The following IRGM variants were observed in gnomAD, a reference collection of about 807,000 sequenced individuals.
IRGM encodes immunity related GTPase M.
For missense variants in IRGM, 288 were observed against 219.9 expected (o/e 1.31, Z -1.96); for synonymous variants, 98 against 80.6 (o/e 1.22, Z -1.16).
At chr5:150,850,292 A>G (rs1753955833), downstream of IRGM, among the ~76,000 whole-genome samples, 1 of 152,270 alleles carries the variant, frequency 6.6e-6, no homozygotes, top group Non-Finnish European at 1.5e-5. Context: ...ATAATTATGC[A>G]CTATTATGTA....
chr5:150,894,183 T>G (rs943255191), intron 3 of IRGM, among the ~76,000 whole-genome samples: 3 of 152,102 alleles, frequency 2.0e-5, no homozygotes, highest in African/African-American at 7.2e-5. Context: ...TATGCTCTCC[T>G]GCAGGTCACT....
At chr5:150,895,765 G>T in intron 3 of IRGM, 1 of 1,613,538 alleles carries the variant, frequency 6.2e-7, no homozygotes, top group Non-Finnish European at 8.5e-7. Flanking sequence ...CATTTATAGG[G>T]TTTTTCTCCA....
intron 1 of IRGM, among the ~76,000 whole-genome samples, chr5:150,867,354 T>C (rs955394618): frequency 1.3e-5 from 2 of 152,182 alleles, no homozygotes; most frequent in Non-Finnish European, 2.9e-5. Flanking sequence ...TAGTATTCCA[T>C]GGTATATATA....
chr5:150,872,316 C>A (rs558362051), intron 1 of IRGM, among the ~76,000 whole-genome samples: 1 of 152,192 alleles, frequency 6.6e-6, no homozygotes, highest in Non-Finnish European at 1.5e-5. Flanking sequence ...CCCTGACCCA[C>A]GCTGCCATCA....
intron 3 of IRGM, among the ~76,000 whole-genome samples, chr5:150,880,194 T>C (rs1035178068): frequency 6.6e-6 from 1 of 152,228 alleles, no homozygotes; most frequent in Non-Finnish European, 1.5e-5. Context: ...TTGTGGGAGA[T>C]ATGAACAGCT....
chr5:150,896,543 C>G (rs1263725847), intron 3 of IRGM: 1 of 1,613,692 alleles, frequency 6.2e-7, no homozygotes, highest in South Asian at 1.1e-5. Context: ...TGTGAATCTT[C>G]TCAAGATTAG....
intron 1 of IRGM, among the ~76,000 whole-genome samples, chr5:150,870,946 G>A (rs918980592): frequency 2.0e-5 from 3 of 151,688 alleles, no homozygotes; most frequent in African/African-American, 4.8e-5. Flanking sequence ...CAAATTATGA[G>A]GAATGAGGTC....
rs1230041672 is a variant in IRGM, at chr5:150,847,960, C to A, written c.-164C>A. ...CTGGGACTACAGGCGCACACCACCACGCGCAGCTAATTTTTTTGTATTTTA... is the reference window on the plus strand; with the variant it reads ...CTGGGACTACAGGCGCACACCACCAAGCGCAGCTAATTTTTTTGTATTTTA... On this transcript the variant is annotated 5_prime_UTR_variant, in exon 2 of 2. Transcript: ENST00000522154. 8.3e-6 allele frequency: 5 copies of A among 602,276 alleles called. No homozygotes were observed. Among genetic ancestry groups the A allele is most frequent in the African/African-American group, 1.9e-5 (1 of 53,894 alleles). 37.3% of individuals were successfully genotyped at this position (602,276 alleles called of 1,614,324 possible). A position where few individuals can be genotyped will look rare whatever the true frequency, so the allele number is the denominator to read the frequency against.
intron 1 of IRGM, among the ~76,000 whole-genome samples, chr5:150,867,184 A>G (rs1235405088): frequency 6.6e-6 from 1 of 152,154 alleles, no homozygotes. Flanking sequence ...CCATTTTATC[A>G]TCTTTATGCC....
intron 1 of IRGM, among the ~76,000 whole-genome samples, chr5:150,872,976 G>A (rs552045934): frequency 6.6e-6 from 1 of 152,182 alleles, no homozygotes; most frequent in Non-Finnish European, 1.5e-5. Flanking sequence ...TTCTCTGTAT[G>A]CCAGATCTAA....
downstream of IRGM, among the ~76,000 whole-genome samples, chr5:150,851,027 T>G (rs1753967397): frequency 6.6e-6 from 1 of 152,204 alleles, no homozygotes; most frequent in Non-Finnish European, 1.5e-5. Context: ...TAGTTTTGGT[T>G]TCAGTGAAGC....
At chr5:150,896,773 C>T in intron 3 of IRGM, 3 of 1,613,802 alleles carry the variant, frequency 1.9e-6, no homozygotes, top group South Asian at 1.1e-5. Flanking sequence ...GCCTCAGTCA[C>T]TGTTTTGCTG....
At chr5:150,863,345 G>A (rs1227873798) in intron 1 of IRGM, among the ~76,000 whole-genome samples, 1 of 152,188 alleles carries the variant, frequency 6.6e-6, no homozygotes, top group Non-Finnish European at 1.5e-5. Flanking sequence ...TCAAAAAGGT[G>A]CTTGTTTTAA....
At chr5:150,875,357 T>C (rs1319280591) in intron 1 of IRGM, among the ~76,000 whole-genome samples, 2 of 152,144 alleles carry the variant, frequency 1.3e-5, no homozygotes, top group South Asian at 2.1e-4. Context: ...GCACTTTGCG[T>C]GGAAGGAAAA....
At chr5:150,898,169 T>A in intron 3 of IRGM, 1 of 1,613,450 alleles carries the variant, frequency 6.2e-7, no homozygotes. Context: ...GACATCTGGT[T>A]TGGAAACTGG....
chr5:150,861,828 T>C (rs141361978), intron 1 of IRGM, among the ~76,000 whole-genome samples: 2 of 152,238 alleles, frequency 1.3e-5, no homozygotes, highest in Non-Finnish European at 2.9e-5. Flanking sequence ...AAAAGTGGAC[T>C]GTGCAGATTG....
At chr5:150,877,829 C>T (rs1428555) in intron 1 of IRGM, among the ~76,000 whole-genome samples, 31,626 of 152,124 alleles carry the variant, frequency 0.21, 5,307 homozygotes, top group African/African-American at 0.45. Context: ...CACGGGTGAC[C>T]TAAATAACCA....
intron 3 of IRGM, among the ~76,000 whole-genome samples, chr5:150,900,027 CCAAA>C (rs774369921): frequency 9.2e-5 from 14 of 152,148 alleles, no homozygotes; most frequent in African/African-American, 2.2e-4. Flanking sequence ...TGTCAAGCTG[CCAAA>C]CAGTTAGTTG....
intron 3 of IRGM, among the ~76,000 whole-genome samples, chr5:150,882,782 C>G (rs957582083): frequency 1.3e-5 from 2 of 152,106 alleles, no homozygotes; most frequent in Non-Finnish European, 2.9e-5. Flanking sequence ...AAGGACTTCT[C>G]TACCGCAGCT....
Sources: gnomAD v4.1 joint callset for allele counts (sites outside exome capture counted in the v4.1 genomes callset) on GRCh38, gnomAD v4.1.1 for gene constraint, MANE v1.5 for transcripts, NCBI Gene and HGNC (gene_info 2026-07-23, HGNC 2026-07-21) for gene names.